The following GLIPR2 variants were observed in gnomAD, a reference collection of about 807,000 sequenced individuals.
The protein encoded by GLIPR2 is GLI pathogenesis related 2.
Under a neutral mutation model 20.4 loss-of-function variants are expected in GLIPR2, and 21 were observed. That is an observed-to-expected ratio of 1.03 (90% confidence interval 0.73 to 1.48). The LOEUF (loss-of-function observed/expected upper bound fraction) is 1.48. Among genes scored for constraint, GLIPR2 ranks in the 40% most tolerant of loss-of-function variants. The probability of loss-of-function intolerance (pLI) is 0.00; values close to 1 mark genes in which losing one functional copy is unlikely to be tolerated. For missense variants in GLIPR2, 205 were observed against 200.1 expected (o/e 1.02, Z -0.15); for synonymous variants, 91 against 80.5 (o/e 1.13, Z -0.70).
At chr9:36,139,587 G>T (rs569381288) in intron 1 of GLIPR2, among the ~76,000 whole-genome samples, 15 of 152,216 alleles carry the variant, frequency 9.9e-5, no homozygotes, top group African/African-American at 2.9e-4. Flanking sequence ...CACTCACAGG[G>T]GCTCTGTGTG....
rs1210694474 is a variant in GLIPR2, at chr9:36,154,100, T to TC, written c.304+3151_304+3152insC. 7.3e-3 allele frequency among the ~76,000 whole-genome samples: 831 copies of TC among 113,410 alleles called. 9 individuals carry two copies. The highest frequency in any genetic ancestry group is 8.4e-3 in the Non-Finnish European group (418 of 49,902). 74.4% of individuals were successfully genotyped at this position (113,410 alleles called of 152,430 possible). A position where few individuals can be genotyped will look rare whatever the true frequency, so the allele number is the denominator to read the frequency against. On this transcript the variant is annotated intron_variant, in intron 4 of 4. Coordinates refer to ENST00000377960, the MANE Select transcript of GLIPR2 (RefSeq NM_022343.4). Reference sequence around the variant, plus strand: ...ATTATATATTATATATATATATCTTTTCCCCCCCCCTTTGAGACCGAGTCT... The same window carrying TC: ...ATTATATATTATATATATATATCTTTCTCCCCCCCCCTTTGAGACCGAGTCT...
chr9:36,151,711 G>A (rs1284129036), intron 4 of GLIPR2, among the ~76,000 whole-genome samples: 1 of 152,100 alleles, frequency 6.6e-6, no homozygotes, highest in Non-Finnish European at 1.5e-5. Flanking sequence ...TTCCCTTGAC[G>A]AAAGCTCCGG....
intron 4 of GLIPR2, among the ~76,000 whole-genome samples, chr9:36,151,548 G>A (rs774227847): frequency 2.6e-5 from 4 of 152,156 alleles, no homozygotes; most frequent in Non-Finnish European, 5.9e-5. Flanking sequence ...TCTAGTCTTA[G>A]CTCTGGCACC....
chr9:36,141,212 G>A (rs1825062881), intron 1 of GLIPR2, among the ~76,000 whole-genome samples: 1 of 152,152 alleles, frequency 6.6e-6, no homozygotes, highest in Admixed American at 6.5e-5. Context: ...TTTTATGTAT[G>A]GGGAAAGGAG....
At chr9:36,150,675 A>G (rs940263304) in intron 3 of GLIPR2, among the ~76,000 whole-genome samples, 197 bp from the exon 4 acceptor site, 4 of 151,906 alleles carry the variant, frequency 2.6e-5, no homozygotes, top group African/African-American at 9.7e-5. Flanking sequence ...CAGAAGGCCC[A>G]CTCTTCAGCC....
intron 4 of GLIPR2, 49 bp downstream of exon 4, chr9:36,150,998 G>T (rs757188903): frequency 2.3e-6 from 3 of 1,309,564 alleles, no homozygotes; most frequent in Admixed American, 1.7e-5. Flanking sequence ...AGCAATGCAG[G>T]TTGGGTGTCT....
intron 1 of GLIPR2, among the ~76,000 whole-genome samples, chr9:36,139,805 C>T (rs767394777): frequency 5.3e-5 from 8 of 152,190 alleles, no homozygotes; most frequent in Non-Finnish European, 7.3e-5. Flanking sequence ...CGAAGACTCC[C>T]AGATCCTGCT....
chr9:36,141,537 G>C (rs1825079586), intron 1 of GLIPR2, among the ~76,000 whole-genome samples: 1 of 152,216 alleles, frequency 6.6e-6, no homozygotes, highest in South Asian at 2.1e-4. Flanking sequence ...GGAGAGGGCA[G>C]AGTGAGTCAG....
intron 4 of GLIPR2, among the ~76,000 whole-genome samples, chr9:36,153,440 G>T (rs4878643): frequency 1.3e-5 from 2 of 152,058 alleles, no homozygotes; most frequent in Non-Finnish European, 2.9e-5. Context: ...TCCTAAGACA[G>T]GAGTGAGATT....
Position 36,136,748 on chromosome 9 carries a change from C to G in GLIPR2, c.-31C>G, listed in dbSNP as rs1824833039. Reference sequence around the variant, plus strand: ...CCGGGCGAGCGCAGTGCAGCGCAGCCGCGGGGAGCGAGGAGCGCGCGGAGC... The same window carrying G: ...CCGGGCGAGCGCAGTGCAGCGCAGCGGCGGGGAGCGAGGAGCGCGCGGAGC... On this transcript the variant is annotated 5_prime_UTR_variant, in exon 1 of 5. Coordinates refer to ENST00000377960, the MANE Select transcript of GLIPR2 (RefSeq NM_022343.4). The surrounding 1 kb of genome is among the most constrained non-coding windows in gnomAD (Gnocchi z 4.3). 1.6e-6 allele frequency: 2 copies of G among 1,277,412 alleles called. No individual in the cohort carries two copies. The highest frequency in any genetic ancestry group is 4.1e-5 in the Admixed American group (1 of 24,104). 79.1% of individuals were successfully genotyped at this position (1,277,412 alleles called of 1,614,324 possible).
intron 4 of GLIPR2, among the ~76,000 whole-genome samples, chr9:36,156,730 C>A (rs890730340): frequency 6.6e-6 from 1 of 152,170 alleles, no homozygotes; most frequent in Non-Finnish European, 1.5e-5. Context: ...CTCATAGGAG[C>A]ATGAACCCTA....
intron 4 of GLIPR2, among the ~76,000 whole-genome samples, chr9:36,159,854 T>C (rs1825984106): frequency 6.6e-6 from 1 of 152,006 alleles, no homozygotes; most frequent in African/African-American, 2.4e-5. Context: ...TAATCCCAGC[T>C]ACTTGGAAGG....
chr9:36,155,132 C>G (rs918169965), intron 4 of GLIPR2, among the ~76,000 whole-genome samples: 1 of 152,176 alleles, frequency 6.6e-6, no homozygotes, highest in Non-Finnish European at 1.5e-5. Flanking sequence ...AAGTTAGTGG[C>G]AAATATGCAT....
chr9:36,149,768 C>T (rs2132744977), intron 3 of GLIPR2, among the ~76,000 whole-genome samples: 1 of 152,292 alleles, frequency 6.6e-6, no homozygotes, highest in South Asian at 2.1e-4. Context: ...TAGCTCACGC[C>T]TGCAATCCCA....
Position 36,136,753 on chromosome 9 carries a change from G to A in GLIPR2, c.-26G>A. On this transcript the variant is annotated 5_prime_UTR_variant, in exon 1 of 5. Transcript: ENST00000377960. This position sits in a 1 kb window ranked among gnomAD's most constrained non-coding sequence, Gnocchi z 4.3. Reference sequence around the variant, plus strand: ...CGAGCGCAGTGCAGCGCAGCCGCGGGGAGCGAGGAGCGCGCGGAGCCGGCC... The same window carrying A: ...CGAGCGCAGTGCAGCGCAGCCGCGGAGAGCGAGGAGCGCGCGGAGCCGGCC... 1.6e-6 allele frequency: 2 copies of A among 1,282,104 alleles called. No individual in the cohort carries two copies. Among genetic ancestry groups the A allele is most frequent in the Non-Finnish European group, 2.0e-6 (2 of 1,016,972 alleles). 79.4% of individuals were successfully genotyped at this position (1,282,104 alleles called of 1,614,324 possible).
chr9:36,162,581 A>G lies in GLIPR2; in HGVS notation c.*59A>G. On this transcript the variant is annotated 3_prime_UTR_variant, in exon 5 of 5. Coordinates refer to ENST00000377960, the MANE Select transcript of GLIPR2 (RefSeq NM_022343.4). ...AGAACGTGGATATGAAGTGCCTAGAACCACCACAACCTGGCTGTGCGTCTG... is the reference window on the plus strand; with the variant it reads ...AGAACGTGGATATGAAGTGCCTAGAGCCACCACAACCTGGCTGTGCGTCTG... The G allele has an allele frequency of 6.5e-7, 1 of 1,538,278 alleles. No individual in the cohort carries two copies. The highest frequency in any genetic ancestry group is 8.9e-7 in the Non-Finnish European group (1 of 1,123,190).
intron 1 of GLIPR2, among the ~76,000 whole-genome samples, chr9:36,137,135 C>A (rs746943550): frequency 3.9e-5 from 6 of 152,208 alleles, no homozygotes; most frequent in Non-Finnish European, 5.9e-5. Context: ...GCTCTCGCTG[C>A]GAAGCAGTTT....
chr9:36,150,988 A>T, intron 4 of GLIPR2, 39 bp downstream of exon 4: 1 of 1,428,656 alleles, frequency 7.0e-7, no homozygotes, highest in Non-Finnish European at 9.9e-7. Context: ...GGCCCTGGGC[A>T]GCAATGCAGG....
chr9:36,147,982 T>A (rs1205526008), intron 2 of GLIPR2, 88 bp downstream of exon 2: 2 of 766,188 alleles, frequency 2.6e-6, no homozygotes, highest in Admixed American at 1.7e-5. Context: ...GCACGATGGC[T>A]CACACCTGTA....
Sources: gnomAD v4.1 joint callset for allele counts (sites outside exome capture counted in the v4.1 genomes callset) on GRCh38, gnomAD v4.1.1 for gene constraint, Gnocchi (gnomAD v3.1) non-coding constraint, MANE v1.5 for transcripts, NCBI Gene and HGNC (gene_info 2026-07-23, HGNC 2026-07-21) for gene names.